Variants in SHROOM2 observed in about 807,000 individuals in gnomAD.
SHROOM2 encodes the protein protein Shroom2.
A neutral mutation model predicts 75.9 loss-of-function variants in SHROOM2; 33 were observed. The ratio of observed to expected loss-of-function variants is 0.43; its 90% CI spans 0.33 to 0.58. The LOEUF is 0.58. Ranked by LOEUF, SHROOM2 falls within the 20% of genes least tolerant of loss-of-function variation. The probability of loss-of-function intolerance (pLI) is 0.04; values close to 1 mark genes in which losing one functional copy is unlikely to be tolerated. For missense variants in SHROOM2, 1,434 were observed against 1,461.2 expected (o/e 0.98, Z 0.30); for synonymous variants, 655 against 663.6 (o/e 0.99, Z 0.20).
chrX:9,861,563 C>T (rs113766128), intron 1 of SHROOM2, among the ~76,000 whole-genome samples: 16 of 112,262 alleles, frequency 1.4e-4, no homozygotes, highest in African/African-American at 5.2e-4. Context: ...AGTGGAGCAG[C>T]ATAGCCTAGG....
chrX:9,873,167 G>A (rs767714510), intron 1 of SHROOM2, among the ~76,000 whole-genome samples: 1 of 111,911 alleles, frequency 8.9e-6, no homozygotes, highest in South Asian at 3.7e-4. Flanking sequence ...GGTTTCTTTC[G>A]GGGTTAGGGG....
At chrX:9,917,894 G>T (rs2084505559) in intron 5 of SHROOM2, among the ~76,000 whole-genome samples, 1 of 111,858 alleles carries the variant, frequency 8.9e-6, no homozygotes, top group Non-Finnish European at 1.9e-5. Flanking sequence ...GGGCAAGTGA[G>T]CCTAACACAA....
intron 5 of SHROOM2, among the ~76,000 whole-genome samples, chrX:9,916,550 T>C (rs762065609): frequency 8.9e-6 from 1 of 112,325 alleles, no homozygotes; most frequent in South Asian, 3.7e-4. Context: ...ATGCTTACTA[T>C]TTACACTCTA....
chrX:9,898,388 T>G, intron 5 of SHROOM2, 98 bp downstream of exon 5: 1 of 665,456 alleles, frequency 1.5e-6, no homozygotes, highest in Non-Finnish European at 2.3e-6. Context: ...GATGTCTGGC[T>G]TTTGCCAAAC....
At chrX:9,865,927 C>T (rs1409674715) in intron 1 of SHROOM2, among the ~76,000 whole-genome samples, 1 of 109,723 alleles carries the variant, frequency 9.1e-6, no homozygotes, top group Non-Finnish European at 1.9e-5. Flanking sequence ...CCTGGCGGAC[C>T]TCTGGGCTGT....
intron 1 of SHROOM2, among the ~76,000 whole-genome samples, chrX:9,811,357 G>A (rs778694066): frequency 3.6e-5 from 4 of 111,973 alleles, no homozygotes; most frequent in Non-Finnish European, 5.6e-5. Context: ...GGCGATGACG[G>A]GTGGCTGGGA....
intron 2 of SHROOM2, among the ~76,000 whole-genome samples, chrX:9,881,887 CTTCTTAACTCTTCTAGTACCT>C (rs1430562019): frequency 3.6e-4 from 40 of 112,288 alleles, no homozygotes; most frequent in African/African-American, 1.2e-3. Flanking sequence ...TGAAGAGTAT[CTTCTTAACTCTTCTAGTACCT>C]TGAGTAACCA....
Position 9,937,373 on chromosome X carries a change from C to T in SHROOM2, c.3827C>T (p.Ala1276Val). The T allele has an allele frequency of 1.7e-6, 2 of 1,204,767 alleles. No individual in the cohort carries two copies. Among genetic ancestry groups the T allele is most frequent in the South Asian group, 1.8e-5 (1 of 55,902 alleles). ...GCTGAGCCCGAGGCCCCACATAGGG[C>T]CCAGCCGGCTGAGCCCCAGCCCCTG... Reference protein sequence around the residue: ...QGAEPEAPHRAQPAEPQPLGT... With the variant: ...QGAEPEAPHRVQPAEPQPLGT... The change falls in exon 7 of 10, where the codon GCC becomes GTC. Residue 1276 changes from alanine (A) to valine (V), a missense_variant. Ala to Val is a moderately conservative substitution (Grantham distance 64). Transcript: ENST00000380913.
intron 7 of SHROOM2, among the ~76,000 whole-genome samples, chrX:9,938,989 A>G (rs73476629): frequency 4.5e-4 from 51 of 112,446 alleles, no homozygotes; most frequent in African/African-American, 1.6e-3. Flanking sequence ...TGTTTCATAC[A>G]CTTACGAGTA....
intron 1 of SHROOM2, among the ~76,000 whole-genome samples, chrX:9,841,957 G>C (rs2083981490): frequency 8.9e-6 from 1 of 112,038 alleles, no homozygotes; most frequent in Non-Finnish European, 1.9e-5. Flanking sequence ...CTACTGGGAG[G>C]CTGAGGTGGG....
At chrX:9,827,073 A>G (rs545210281) in intron 1 of SHROOM2, among the ~76,000 whole-genome samples, 1 of 110,870 alleles carries the variant, frequency 9.0e-6, no homozygotes, top group African/African-American at 3.3e-5. Flanking sequence ...GCGAAGCGCT[A>G]TTGATGGCCA....
intron 1 of SHROOM2, among the ~76,000 whole-genome samples, chrX:9,838,356 G>T (rs764786077): frequency 9.0e-6 from 1 of 110,673 alleles, no homozygotes; most frequent in Admixed American, 9.7e-5. Context: ...CACCGCACCC[G>T]GCCTTAAATC....
intron 1 of SHROOM2, among the ~76,000 whole-genome samples, chrX:9,808,335 G>C (rs2083768240): frequency 9.5e-6 from 1 of 105,517 alleles, no homozygotes; most frequent in Admixed American, 1.0e-4. Flanking sequence ...CTGGAGCCCA[G>C]GAGTTCGAGA....
rs183423778 is a variant in SHROOM2 at position 9,823,026 on chromosome X, T to C, written c.165+36316T>C. Among the ~76,000 whole-genome samples, 128 of 30,409 alleles carry C rather than the reference T, an allele frequency of 4.2e-3. 1 individual carries two copies. The highest frequency in any genetic ancestry group is 0.013 in the African/African-American group (109 of 8,704). 26.4% of individuals were successfully genotyped at this position (30,409 alleles called of 115,157 possible). A position where few individuals can be genotyped will look rare whatever the true frequency, so the allele number is the denominator to read the frequency against. ...TTCTTCTTCTTCTTCTCCTTCTCCT[T>C]CTCCTCCTCCTCCTCCTCCTCCTCC... On this transcript the variant is annotated intron_variant, in intron 1 of 9. Transcript: ENST00000380913.
chrX:9,930,492 G>A (rs1222975959), intron 5 of SHROOM2, among the ~76,000 whole-genome samples: 1 of 99,216 alleles, frequency 1.0e-5, no homozygotes, highest in African/African-American at 4.0e-5. Context: ...GGACAACAGA[G>A]TAAGACCCTG....
rs2084831079 is a variant in SHROOM2, at chrX:9,947,366, TC to T, written c.*430del. On this transcript the variant is annotated 3_prime_UTR_variant, in exon 10 of 10. Coordinates refer to ENST00000380913, the MANE Select transcript of SHROOM2 (RefSeq NM_001649.4). ...CCTGGTGCTCATCTTCTCTTGTCAT[TC>T]ATCCAGGCATGGGCTGCCAGGTTTT... The T allele has an allele frequency of 7.2e-6, 1 of 138,402 alleles. No homozygotes were observed. The highest frequency in any genetic ancestry group is 1.4e-5 in the Non-Finnish European group (1 of 70,065). The allele number at this position is 138,402 out of a possible 1,213,427, so 11.4% of individuals were successfully genotyped here.
intron 1 of SHROOM2, among the ~76,000 whole-genome samples, chrX:9,846,735 T>C (rs2084008532): frequency 8.9e-6 from 1 of 112,669 alleles, no homozygotes; most frequent in Non-Finnish European, 1.9e-5. Context: ...GGTTAAGACC[T>C]TCCTATCGTC....
At chrX:9,882,652 G>A (rs924155234) in intron 2 of SHROOM2, among the ~76,000 whole-genome samples, 2 of 111,751 alleles carry the variant, frequency 1.8e-5, no homozygotes, top group African/African-American at 6.5e-5. Context: ...AGTCTTTTCT[G>A]CCATAGGACC....
rs750103047 is a variant in SHROOM2, at chrX:9,873,711, C to T, written c.225C>T (p.Val75=). The change falls in exon 2 of 10, where the codon GTC becomes GTT. Residue 75 remains valine (V), a synonymous_variant. Coordinates refer to ENST00000380913, the MANE Select transcript of SHROOM2 (RefSeq NM_001649.4). Reference sequence around the variant, plus strand: ...AGTTACTGGCTGGAGATGAGATCGTCGGCATCAATGACATTGGTCTCTCAG... The same window carrying T: ...AGTTACTGGCTGGAGATGAGATCGTTGGCATCAATGACATTGGTCTCTCAG... ...VDKLLAGDEI[V]GINDIGLSGF... 5.8e-6 allele frequency: 7 copies of T among 1,209,744 alleles called. No homozygotes were observed. In the East Asian group the frequency reaches 1.2e-4, roughly 20 times the overall value.
Sources: allele counts gnomAD v4.1 joint callset (sites outside exome capture counted in the v4.1 genomes callset), GRCh38; gene constraint gnomAD v4.1.1; transcripts MANE v1.5; gene names NCBI Gene and HGNC (gene_info 2026-07-23, HGNC 2026-07-21).